Variants in B3GAT2 observed in about 807,000 individuals in gnomAD.
B3GAT2 encodes beta-1,3-glucuronyltransferase 2, also known as galactosylgalactosylxylosylprotein 3-beta-glucuronosyltransferase 2.
In B3GAT2, 26 loss-of-function variants were observed where a neutral mutation model predicts 27.8. The observed-to-expected ratio is 0.93, with a 90% CI of 0.68 to 1.30. The LOEUF is 1.30. B3GAT2 is among the 50% of genes most tolerant of loss of function. The pLI is 0.00. For missense variants in B3GAT2, 458 were observed against 459.0 expected, an observed-to-expected ratio of 1.00 and a Z score of 0.02; for synonymous variants, 218 against 195.1, an observed-to-expected ratio of 1.12 and a Z score of -0.98.
intron 1 of B3GAT2, among the ~76,000 whole-genome samples, chr6:70,904,149 A>G (rs1047301746): frequency 1.3e-5 from 2 of 152,194 alleles, no homozygotes; most frequent in Non-Finnish European, 1.5e-5. Context: ...AAGGCCTCAT[A>G]TAGTGTTATT....
chr6:70,874,466 A>C (rs1435059900), intron 2 of B3GAT2, among the ~76,000 whole-genome samples: 1 of 152,204 alleles, frequency 6.6e-6, no homozygotes, highest in Non-Finnish European at 1.5e-5. Flanking sequence ...TCTTGATTGC[A>C]CAGGGGCTCA....
At chr6:70,928,823 C>G (rs925657935) in intron 1 of B3GAT2, among the ~76,000 whole-genome samples, 2 of 152,120 alleles carry the variant, frequency 1.3e-5, no homozygotes, top group Non-Finnish European at 2.9e-5. Flanking sequence ...GGATCTAGAA[C>G]TAGAAATACC....
intron 2 of B3GAT2, among the ~76,000 whole-genome samples, chr6:70,870,550 A>T (rs1471195099): frequency 2.0e-5 from 3 of 152,038 alleles, no homozygotes; most frequent in Non-Finnish European, 2.9e-5. Context: ...ATAATAATAA[A>T]AAAAAGAAAA....
chr6:70,942,210 GGAA>G (rs1400598615), intron 1 of B3GAT2, among the ~76,000 whole-genome samples: 1 of 152,174 alleles, frequency 6.6e-6, no homozygotes, highest in Non-Finnish European at 1.5e-5. Context: ...ATAGTATCCA[GGAA>G]GAAGATTCCA....
chr6:70,861,857 C>T lies in B3GAT2; in HGVS notation c.858G>A (p.Leu286=), dbSNP rs764760215. Residue 286 remains leucine (L), a synonymous_variant, in exon 3 of 4, where the codon CTG becomes CTA. Transcript: ENST00000230053. ...FLKQITTVEE[L]EPKANNCTKV... ...TAGTGCAGTTATTTGCTTTCGGTTCCAGTTCTTCGACTGTTGTTATCTGTT... is the reference window on the plus strand; with the variant it reads ...TAGTGCAGTTATTTGCTTTCGGTTCTAGTTCTTCGACTGTTGTTATCTGTT... 7 of 1,613,964 alleles carry T rather than the reference C, an allele frequency of 4.3e-6. No homozygotes were observed. The East Asian group carries it at 1.6e-4, about 36-fold the overall frequency.
At chr6:70,882,065 G>T (rs574682353) in intron 2 of B3GAT2, among the ~76,000 whole-genome samples, 25 of 152,236 alleles carry the variant, frequency 1.6e-4, no homozygotes, top group Non-Finnish European at 3.1e-4. Context: ...GATAAATGAA[G>T]GTTTGTTATT....
At chr6:70,874,681 TCAC>T (rs900551536) in intron 2 of B3GAT2, among the ~76,000 whole-genome samples, 3 of 152,194 alleles carry the variant, frequency 2.0e-5, no homozygotes, top group East Asian at 1.9e-4. Flanking sequence ...TGGTAAACAA[TCAC>T]CACAAGCTGT....
Position 70,859,031 on chromosome 6 carries a change from A to G in B3GAT2, c.*2632T>C. 1 of 216,890 alleles carries G rather than the reference A, an allele frequency of 4.6e-6. No homozygotes were observed. The highest frequency in any genetic ancestry group is 9.1e-6 in the Non-Finnish European group (1 of 109,932). The allele number at this position is 216,890 out of a possible 1,614,324, so 13.4% of individuals were successfully genotyped here. On this transcript the variant is annotated 3_prime_UTR_variant, in exon 4 of 4. Coordinates refer to ENST00000230053, the MANE Select transcript of B3GAT2 (RefSeq NM_080742.3). ...CTTCTTCCTTTTACACTTCCCATTG[A>G]TGTTCCTCCAGCATTTTGGCAATCT...
intron 2 of B3GAT2, among the ~76,000 whole-genome samples, chr6:70,883,235 G>T (rs184506023): frequency 6.6e-6 from 1 of 152,120 alleles, no homozygotes; most frequent in African/African-American, 2.4e-5. Flanking sequence ...ACATCCAAAA[G>T]AATCTAAAGC....
intron 2 of B3GAT2, among the ~76,000 whole-genome samples, chr6:70,884,009 G>A (rs1425648776): frequency 6.7e-6 from 1 of 148,432 alleles, no homozygotes; most frequent in African/African-American, 2.5e-5. Flanking sequence ...ACGATAACGA[G>A]CCACAGGAAG....
chr6:70,868,433 TGTAA>T (rs1412410710), intron 2 of B3GAT2, among the ~76,000 whole-genome samples: 4 of 152,316 alleles, frequency 2.6e-5, no homozygotes, highest in Middle Eastern at 3.4e-3. Flanking sequence ...TCTTCTATTG[TGTAA>T]GTATCAATTT....
At chr6:70,890,803 A>G (rs762841890) in intron 2 of B3GAT2, among the ~76,000 whole-genome samples, 2 of 152,262 alleles carry the variant, frequency 1.3e-5, no homozygotes, top group Non-Finnish European at 2.9e-5. Flanking sequence ...TTAGCAGAAT[A>G]AAGTACCTAC....
chr6:70,867,281 T>C (rs1193660995), intron 2 of B3GAT2, among the ~76,000 whole-genome samples: 3 of 151,710 alleles, frequency 2.0e-5, no homozygotes. Context: ...AGAAAGCAAA[T>C]GAAGCCCAAA....
At chr6:70,877,509 T>G (rs1185099572) in intron 2 of B3GAT2, among the ~76,000 whole-genome samples, 1 of 152,110 alleles carries the variant, frequency 6.6e-6, no homozygotes. Flanking sequence ...ACCTGTACGC[T>G]CTCCTCTGTA....
chr6:70,956,845 A>T lies in B3GAT2; in HGVS notation c.-416T>A. On this transcript the variant is annotated 5_prime_UTR_variant, in exon 1 of 4. Coordinates refer to ENST00000230053, the MANE Select transcript of B3GAT2 (RefSeq NM_080742.3). ...TCCAGTCCGGCGGTGCTGCGGGCAC[A>T]AGGGCTCCAGCCGCGGGCCCCCAGG... The T allele has an allele frequency of 9.6e-7, 1 of 1,038,134 alleles. No individual in the cohort carries two copies. The highest frequency in any genetic ancestry group is 1.2e-6 in the Non-Finnish European group (1 of 864,010). 64.3% of individuals were successfully genotyped at this position (1,038,134 alleles called of 1,614,324 possible).
At chr6:70,870,531 T>TA (rs1204134210) in intron 2 of B3GAT2, among the ~76,000 whole-genome samples, 1 of 151,426 alleles carries the variant, frequency 6.6e-6, no homozygotes, top group South Asian at 2.1e-4. Context: ...CCCTAAAACT[T>TA]AAAGTATAAT....
chr6:70,869,892 C>A (rs969653902), intron 2 of B3GAT2, among the ~76,000 whole-genome samples: 1 of 152,226 alleles, frequency 6.6e-6, no homozygotes, highest in African/African-American at 2.4e-5. Flanking sequence ...CAGGAAACAA[C>A]AGGTGCTGGA....
intron 2 of B3GAT2, among the ~76,000 whole-genome samples, chr6:70,878,716 C>A (rs1772054301): frequency 6.8e-6 from 1 of 146,466 alleles, no homozygotes; most frequent in East Asian, 2.0e-4. Context: ...GGTTTCTCTT[C>A]TTCCTCTAAT....
chr6:70,914,131 T>G (rs1000739416), intron 1 of B3GAT2, among the ~76,000 whole-genome samples: 66 of 152,048 alleles, frequency 4.3e-4, no homozygotes, highest in African/African-American at 1.6e-3. Context: ...GACTTATTTC[T>G]TCTTCTTTTT....
Sources: allele counts gnomAD v4.1 joint callset (sites outside exome capture counted in the v4.1 genomes callset), GRCh38; gene constraint gnomAD v4.1.1; transcripts MANE v1.5; gene names NCBI Gene and HGNC (gene_info 2026-07-23, HGNC 2026-07-21).